Variants in RHOT2 observed in about 807,000 individuals in gnomAD.
RHOT2 encodes the protein mitochondrial Rho GTPase 2.
A neutral mutation model predicts 81.6 loss-of-function variants in RHOT2; 90 were observed. The ratio of observed to expected loss-of-function variants is 1.10; its 90% confidence interval spans 0.93 to 1.31. The LOEUF is 1.31. RHOT2 is among the 40% of genes most tolerant of loss of function. The pLI is 0.00. For synonymous variants in RHOT2, 512 were observed against 370.9 expected, an observed-to-expected ratio of 1.38 and a Z score of -4.37; for missense variants, 1,014 against 841.9, an observed-to-expected ratio of 1.20 and a Z score of -2.53.
At chr16:670,082 C>T (rs766697019) in intron 5 of RHOT2, 41 bp from the exon 6 acceptor site, 2 of 1,525,158 alleles carry the variant, frequency 1.3e-6, no homozygotes, top group East Asian at 2.3e-5. Flanking sequence ...AGCCATGTGC[C>T]CGCGGGCAGC....
chr16:672,002 C>A lies in RHOT2; in HGVS notation c.1097C>A (p.Thr366Asn), dbSNP rs921834076. ...CTGCACGGATACCTCTGCCAGTGGA[C>A]GTAAGTGCGGCCCACACCATGCCCG... Reference protein sequence around the residue: ...LPLHGYLCQWTLVTYLDVRSC... With the variant: ...LPLHGYLCQWNLVTYLDVRSC... Residue 366 changes from threonine to asparagine, a missense_variant and splice_region_variant, in exon 13 of 19, where the codon ACC (threonine) becomes AAC (asparagine). Transcript: ENST00000315082. 1.7e-5 allele frequency: 27 copies of A among 1,611,572 alleles called. No homozygotes were observed. Among genetic ancestry groups the A allele is most frequent in the Middle Eastern group, 1.6e-4 (1 of 6,080 alleles).
intron 4 of RHOT2, 101 bp downstream of exon 4, chr16:668,800 G>GC: frequency 7.6e-7 from 1 of 1,307,540 alleles, no homozygotes; most frequent in Non-Finnish European, 1.0e-6. Flanking sequence ...GGTGTCCTTG[G>GC]CCCTGATAAT....
chr16:668,787 C>A (rs1020505533), intron 4 of RHOT2, 88 bp downstream of exon 4: 2 of 1,382,502 alleles, frequency 1.4e-6, no homozygotes, highest in Non-Finnish European at 2.0e-6. Flanking sequence ...CCGAGGTGCT[C>A]CGGGTGTCCT....
Position 670,536 on chromosome 16 carries a change from C to T in RHOT2, c.519C>T (p.Leu173=), listed in dbSNP as rs2038745120. The change falls in exon 8 of 19, where the codon CTC becomes CTT. Residue 173 remains leucine (L), a synonymous_variant. Coordinates refer to ENST00000315082, the MANE Select transcript of RHOT2 (RefSeq NM_138769.3). Reference sequence around the variant, plus strand: ...CCGTCCTGCATCCCACAGCCCCCCTCTATGACCCTGAGGCCAAGCAGGTGA... The same window carrying T: ...CCGTCCTGCATCCCACAGCCCCCCTTTATGACCCTGAGGCCAAGCAGGTGA... ...QKAVLHPTAP[L]YDPEAKQLRP... 1 of 1,607,684 alleles carries T rather than the reference C, an allele frequency of 6.2e-7. No individual in the cohort carries two copies. Among genetic ancestry groups the T allele is most frequent in the Non-Finnish European group, 8.5e-7 (1 of 1,177,208 alleles).
Position 674,081 on chromosome 16 carries a change from G to T in RHOT2, c.*475G>T. 1 of 218,514 alleles carries T rather than the reference G, an allele frequency of 4.6e-6. No homozygotes were observed. Among genetic ancestry groups the T allele is most frequent in the Non-Finnish European group, 9.7e-6 (1 of 103,626 alleles). 13.5% of individuals were successfully genotyped at this position (218,514 alleles called of 1,614,324 possible). The stretch of plus-strand genomic sequence containing the variant: ...GAGCCGTTTCCGTGGTTGTAGCAGA[G>T]GACCGGAGGTTGGGTTCCTGATTAA... On this transcript the variant is annotated 3_prime_UTR_variant, in exon 19 of 19. Coordinates refer to ENST00000315082, the MANE Select transcript of RHOT2 (RefSeq NM_138769.3).
chr16:673,763 G>C lies in RHOT2; in HGVS notation c.*157G>C. 1 of 902,746 alleles carries C rather than the reference G, an allele frequency of 1.1e-6. No homozygotes were observed. The highest frequency in any genetic ancestry group is 1.6e-6 in the Non-Finnish European group (1 of 610,062). 55.9% of individuals were successfully genotyped at this position (902,746 alleles called of 1,614,324 possible). A position where few individuals can be genotyped will look rare whatever the true frequency, so the allele number is the denominator to read the frequency against. On this transcript the variant is annotated 3_prime_UTR_variant, in exon 19 of 19. Transcript: ENST00000315082. ...CTGAAGGCAGTCGATCTGCAGCGGGGCCTTATGCTGCCATGCACTGCCCTG... is the reference window on the plus strand; with the variant it reads ...CTGAAGGCAGTCGATCTGCAGCGGGCCCTTATGCTGCCATGCACTGCCCTG...
chr16:673,292 G>A, intron 18 of RHOT2, 162 bp downstream of exon 18: 1 of 1,188,812 alleles, frequency 8.4e-7, no homozygotes, highest in Non-Finnish European at 1.2e-6. Context: ...GTGGCGGGGT[G>A]GAGCTTTGTG....
rs2038712516 is a variant in RHOT2 at position 670,356 on chromosome 16, AGGT to A, written c.438+1_438+3del. 1 of 1,612,396 alleles carries A rather than the reference AGGT, an allele frequency of 6.2e-7. No individual in the cohort carries two copies. Among genetic ancestry groups the A allele is most frequent in the Non-Finnish European group, 8.5e-7 (1 of 1,179,688 alleles). ...TTTCCCGAGATTGAGACCTGCGTGG[AGGT>A]GAGTAGGTCCCAGGCAGGGCCGCCT... On this transcript the variant is annotated splice_donor_variant and coding_sequence_variant, in exon 7 of 19. Coordinates refer to ENST00000315082, the MANE Select transcript of RHOT2 (RefSeq NM_138769.3). LOFTEE classifies it high-confidence loss of function.
intron 5 of RHOT2, 91 bp downstream of exon 5, chr16:669,697 G>T: frequency 7.5e-7 from 1 of 1,326,372 alleles, no homozygotes. Context: ...CAGTGCCATC[G>T]CTCACAGCAT....
At position 670,021 on chromosome 16, in the gene RHOT2, C is replaced by T. The variant is rs2038647677; in HGVS notation, c.277-102C>T. On this transcript the variant is annotated intron_variant, in intron 5 of 18. Transcript: ENST00000315082. ...GCCGGGACTTGGGCCCTCAGTGGGC[C>T]TTGACCTCCCCCTTCTGCTCTCCCC... 2.6e-6 allele frequency: 3 copies of T among 1,163,864 alleles called. No individual in the cohort carries two copies. The African/African-American group carries it at 4.7e-5, about 18-fold the overall frequency. 72.1% of individuals were successfully genotyped at this position (1,163,864 alleles called of 1,614,324 possible).
At chr16:671,619 G>C (rs570842233) in intron 11 of RHOT2, 78 bp from the exon 12 acceptor site, 1 of 1,482,166 alleles carries the variant, frequency 6.7e-7, no homozygotes, top group South Asian at 1.2e-5. Flanking sequence ...CACCGATGGG[G>C]CTGGCAGGGT....
intron 11 of RHOT2, 88 bp downstream of exon 11, chr16:671,291 G>A: frequency 6.7e-7 from 1 of 1,484,160 alleles, no homozygotes; most frequent in East Asian, 2.3e-5. Context: ...GTGACGCTGG[G>A]GTTTGAGGCC....
In RHOT2 at chr16:671,716, T is replaced by C; in HGVS notation, c.889T>C (p.Cys297Arg). Reference protein sequence around the residue: ...LSPLIHVPPGCSTELNHLGYQ... With the variant: ...LSPLIHVPPGRSTELNHLGYQ... ...CTGCAGGATCCACGTGCCCCCCGGC[T>C]GCAGCACGGAGCTCAACCACCTTGG... is the stretch of plus-strand genomic sequence containing the variant. Residue 297 changes from cysteine to arginine, a missense_variant, in exon 12 of 19, where the codon TGC (cysteine) becomes CGC (arginine). Physicochemically the swap from Cys to Arg is radical, Grantham distance 180. Coordinates refer to ENST00000315082, the MANE Select transcript of RHOT2 (RefSeq NM_138769.3). The C allele has an allele frequency of 6.2e-7, 1 of 1,612,350 alleles. No homozygotes were observed. Among genetic ancestry groups the C allele is most frequent in the Non-Finnish European group, 8.5e-7 (1 of 1,179,706 alleles).
rs139757721 is a variant in RHOT2 at position 670,524 on chromosome 16, C to T, written c.507C>T (p.Pro169=). The change falls in exon 8 of 19, where the codon CCC becomes CCT. Residue 169 remains proline (P), a synonymous_variant. Transcript: ENST00000315082. ...FYYAQKAVLH[P]TAPLYDPEAK... is the part of the protein sequence containing the mutation. ...ACGCCCAGAAGGCCGTCCTGCATCC[C>T]ACAGCCCCCCTCTATGACCCTGAGG... 1.9e-5 allele frequency: 30 copies of T among 1,608,236 alleles called. No individual in the cohort carries two copies. The highest frequency in any genetic ancestry group is 1.8e-4 in the Admixed American group (11 of 59,648).
At position 668,930 on chromosome 16, in the gene RHOT2, C is replaced by T. The variant is rs1272757223; in HGVS notation, c.222+231C>T. On this transcript the variant is annotated intron_variant, in intron 4 of 18. Coordinates refer to ENST00000315082, the MANE Select transcript of RHOT2 (RefSeq NM_138769.3). ...GGACCCTTCCCCGCGGGCTCTCCCT[C>T]CCTCCTGCCGGGGTGGCAGCAGCGT... The T allele has an allele frequency of 1.3e-5, 7 of 536,452 alleles. No homozygotes were observed. The Admixed American group carries it at 1.9e-4, about 15-fold the overall frequency. The allele number at this position is 536,452 out of a possible 1,614,324, so 33.2% of individuals were successfully genotyped here. A position where few individuals can be genotyped will look rare whatever the true frequency, so the allele number is the denominator to read the frequency against.
rs762694671 is a variant in RHOT2, at chr16:672,918, C to G, written c.1528-10C>G. On this transcript the variant is annotated splice_polypyrimidine_tract_variant and intron_variant, in intron 17 of 18. Coordinates refer to ENST00000315082, the MANE Select transcript of RHOT2 (RefSeq NM_138769.3). ...CCAGGACTGTACCTCATACCACTCT[C>G]TGCCCACAGCACCATTACATGGACG... The G allele has an allele frequency of 1.9e-6, 3 of 1,612,808 alleles. No individual in the cohort carries two copies. The Admixed American group carries it at 5.0e-5, about 27-fold the overall frequency.
Position 673,465 on chromosome 16 carries a change from T to G in RHOT2, c.1731-15T>G, listed in dbSNP as rs532317797. On this transcript the variant is annotated splice_polypyrimidine_tract_variant and intron_variant, in intron 18 of 18. Coordinates refer to ENST00000315082, the MANE Select transcript of RHOT2 (RefSeq NM_138769.3). Reference sequence around the variant, plus strand: ...TGTGCCTGAGGTATCTGCAGATGATTCTTCTCTCTTGCAGACATTTGGTCC... The same window carrying G: ...TGTGCCTGAGGTATCTGCAGATGATGCTTCTCTCTTGCAGACATTTGGTCC... 38 of 1,612,590 alleles carry G rather than the reference T, an allele frequency of 2.4e-5. No individual in the cohort carries two copies. The highest frequency in any genetic ancestry group is 3.3e-4 in the Middle Eastern group (2 of 6,052).
rs1412239539 is a variant in RHOT2 at position 669,591 on chromosome 16, G to A, written c.261G>A (p.Glu87=). The part of the protein sequence containing the change: ...VVCVVYDVSE[E]ATIEKIRTKW... ...GTGTGGTGTATGACGTCTCTGAGGA[G>A]GCCACCATTGAGAAGGTGAGCCCTC... Residue 87 remains glutamate (E), a synonymous_variant, in exon 5 of 19, where the codon GAG becomes GAA. Transcript: ENST00000315082. 6.8e-6 allele frequency: 11 copies of A among 1,612,026 alleles called. No homozygotes were observed. Among genetic ancestry groups the A allele is most frequent in the Non-Finnish European group, 8.5e-6 (10 of 1,179,916 alleles).
rs760549413 is a variant in RHOT2 at position 670,501 on chromosome 16, G to A, written c.484G>A (p.Ala162Thr). Residue 162 changes from alanine to threonine, a missense_variant, in exon 8 of 19, where the codon GCC becomes ACC. Coordinates refer to ENST00000315082, the MANE Select transcript of RHOT2 (RefSeq NM_138769.3). Reference protein sequence around the residue: ...LRNISELFYYAQKAVLHPTAP... With the variant: ...LRNISELFYYTQKAVLHPTAP... ...GAACATCTCAGAGCTGTTCTACTAC[G>A]CCCAGAAGGCCGTCCTGCATCCCAC... is the stretch of plus-strand genomic sequence containing the variant. The A allele has an allele frequency of 1.8e-5, 29 of 1,608,180 alleles. No individual in the cohort carries two copies. Among genetic ancestry groups the A allele is most frequent in the Middle Eastern group, 1.7e-4 (1 of 6,060 alleles).
Sources: gnomAD v4.1 joint callset for allele counts on GRCh38, gnomAD v4.1.1 for gene constraint, MANE v1.5 for transcripts, NCBI Gene and HGNC (gene_info 2026-07-23, HGNC 2026-07-21) for gene names.